Variants in CCDC7 observed in about 807,000 individuals in gnomAD.
CCDC7 encodes coiled-coil domain-containing protein 7.
Under a neutral mutation model 196.9 loss-of-function variants are expected in CCDC7, and 183 were observed. The ratio of observed to expected loss-of-function variants is 0.93; its 90% CI spans 0.82 to 1.05. The LOEUF (loss-of-function observed/expected upper bound fraction) is 1.05, where lower values mean the gene tolerates loss of function less well. CCDC7 is among the 50% of genes least tolerant of loss of function. The pLI is 0.00. For missense variants in CCDC7, 1,540 were observed against 1,482.2 expected, an observed-to-expected ratio of 1.04 and a Z score of -0.64; for synonymous variants, 525 against 484.6, an observed-to-expected ratio of 1.08 and a Z score of -1.10.
At chr10:32,650,703 A>T (rs548417572) in intron 20 of CCDC7, among the ~76,000 whole-genome samples, 1 of 152,016 alleles carries the variant, frequency 6.6e-6, no homozygotes, top group South Asian at 2.1e-4. Flanking sequence ...CACAAATCTC[A>T]GCTCAACCCT....
chr10:32,577,194 T>G (rs113477865), intron 16 of CCDC7, among the ~76,000 whole-genome samples: 7,994 of 151,892 alleles, frequency 0.053, 707 homozygotes, highest in African/African-American at 0.18. Context: ...AAACCCCATC[T>G]CTACTAAAAA....
intron 8 of CCDC7, among the ~76,000 whole-genome samples, chr10:32,491,591 A>T (rs902457535): frequency 2.0e-5 from 3 of 152,144 alleles, no homozygotes; most frequent in Non-Finnish European, 4.4e-5. Flanking sequence ...TTGGACATTA[A>T]TCCAGTTTTG....
intron 20 of CCDC7, among the ~76,000 whole-genome samples, chr10:32,643,913 A>C (rs2067295411): frequency 6.7e-6 from 1 of 148,720 alleles, no homozygotes; most frequent in Non-Finnish European, 1.5e-5. Flanking sequence ...TTTTCAATTC[A>C]TTTAATTGAA....
At chr10:32,703,706 G>A (rs900030632) in intron 24 of CCDC7, among the ~76,000 whole-genome samples, 9 of 152,038 alleles carry the variant, frequency 5.9e-5, no homozygotes, top group Admixed American at 1.3e-4. Context: ...TGGAGTCTTT[G>A]TTCATTTCTT....
chr10:32,777,715 T>A (rs1048611259), intron 28 of CCDC7, among the ~76,000 whole-genome samples: 3 of 150,330 alleles, frequency 2.0e-5, no homozygotes, highest in African/African-American at 7.4e-5. Context: ...AAAAAAAAAA[T>A]TAGCCAGGTA....
chr10:32,849,877 T>G (rs1310985115), intron 39 of CCDC7, among the ~76,000 whole-genome samples: 1 of 152,014 alleles, frequency 6.6e-6, no homozygotes, highest in East Asian at 1.9e-4. Flanking sequence ...GACCTCTGCA[T>G]AGGGTATAGA....
rs1173659243 is a variant in CCDC7 at position 32,754,766 on chromosome 10, G to T, written c.2906-24211G>T. Among the ~76,000 whole-genome samples, 7 of 152,124 alleles carry T rather than the reference G, an allele frequency of 4.6e-5. No individual in the cohort carries two copies. In the East Asian group the frequency reaches 1.4e-3, roughly 29 times the overall value. On this transcript the variant is annotated intron_variant, in intron 28 of 41. Transcript: ENST00000639629. ...AAGTTAACGGGTTCCTCTCACTGGGGCTTGTAGGACAGTGGGTACAGCCCA... is the reference window on the plus strand; with the variant it reads ...AAGTTAACGGGTTCCTCTCACTGGGTCTTGTAGGACAGTGGGTACAGCCCA...
At chr10:32,471,458 C>G (rs766162775) in intron 6 of CCDC7, among the ~76,000 whole-genome samples, 24 of 152,126 alleles carry the variant, frequency 1.6e-4, no homozygotes, top group Non-Finnish European at 2.2e-4. Flanking sequence ...AAATCAGTTT[C>G]TTAGTCACAC....
chr10:32,834,848 G>A lies in CCDC7; in HGVS notation c.3302G>A (p.Gly1101Glu), dbSNP rs143370393. Residue 1101 changes from glycine to glutamate, a missense_variant, in exon 33 of 42, where the codon GGA (glycine) becomes GAA (glutamate). By Grantham distance (98) the Gly-to-Glu change is moderately conservative (BLOSUM62 -2). Transcript: ENST00000639629. ...TTAAAACACTTGAAAGGTGTTAATG[G>A]AAAAGATATAATAAAGCATCTAATC... The A allele has an allele frequency of 5.2e-4, 759 of 1,470,764 alleles. 2 individuals are homozygous for A. The highest frequency in any genetic ancestry group is 1.9e-3 in the Middle Eastern group (11 of 5,692). The allele number at this position is 1,470,764 out of a possible 1,614,324, so 91.1% of individuals were successfully genotyped here.
At chr10:32,456,312 A>T in exon 3 of CCDC7, 1 of 1,573,262 alleles carries the variant, frequency 6.4e-7, no homozygotes, top group Non-Finnish European at 8.7e-7. Flanking sequence ...CAGCTAGAAG[A>T]AGCACTTAAA....
At chr10:32,767,052 C>T (rs545155105) in intron 28 of CCDC7, among the ~76,000 whole-genome samples, 23 of 152,158 alleles carry the variant, frequency 1.5e-4, no homozygotes, top group African/African-American at 5.5e-4. Flanking sequence ...TTTTCAACAA[C>T]CAGATCTTGC....
At chr10:32,546,555 A>G (rs112491019) in intron 13 of CCDC7, among the ~76,000 whole-genome samples, 6 of 152,334 alleles carry the variant, frequency 3.9e-5, no homozygotes, top group African/African-American at 1.2e-4. Context: ...GCGTACAAGT[A>G]TGTATACACC....
intron 29 of CCDC7, among the ~76,000 whole-genome samples, chr10:32,787,618 G>A (rs4749754): frequency 0.92 from 140,197 of 152,180 alleles, 65,625 homozygotes; most frequent in East Asian, 1. Flanking sequence ...AGCCCACTGG[G>A]GTAAAATCCA....
chr10:32,854,654 A>G (rs1490266415), intron 41 of CCDC7, among the ~76,000 whole-genome samples, 165 bp downstream of exon 42: 1 of 152,202 alleles, frequency 6.6e-6, no homozygotes, highest in South Asian at 2.1e-4. Flanking sequence ...AAAAATATAT[A>G]TGTAAACAGT....
chr10:32,868,148 T>C (rs187211875), intron 41 of CCDC7, among the ~76,000 whole-genome samples: 53 of 152,114 alleles, frequency 3.5e-4, no homozygotes, highest in African/African-American at 1.1e-3. Context: ...ATACCACATT[T>C]TGCTTAATTA....
chr10:32,801,972 T>A (rs1038675054), intron 29 of CCDC7, among the ~76,000 whole-genome samples: 2 of 152,180 alleles, frequency 1.3e-5, no homozygotes, highest in African/African-American at 4.8e-5. Context: ...ATGGTCCCAT[T>A]CTTTTCCAAT....
intron 15 of CCDC7, among the ~76,000 whole-genome samples, chr10:32,568,588 T>A (rs771576576): frequency 7.9e-5 from 12 of 152,182 alleles, no homozygotes; most frequent in African/African-American, 1.2e-4. Flanking sequence ...GTACACCGAA[T>A]TGAATATAAA....
chr10:32,790,591 C>G (rs1471854356), intron 29 of CCDC7, among the ~76,000 whole-genome samples: 1 of 152,172 alleles, frequency 6.6e-6, no homozygotes, highest in Non-Finnish European at 1.5e-5. Flanking sequence ...CTCTCAATGC[C>G]CAAGTTGCCA....
chr10:32,595,060 T>C (rs936181692), intron 18 of CCDC7, among the ~76,000 whole-genome samples: 4 of 152,242 alleles, frequency 2.6e-5, no homozygotes, highest in Admixed American at 1.3e-4. Flanking sequence ...GATGTTGGCC[T>C]CATAAAATGA....
Sources: allele counts gnomAD v4.1 joint callset (sites outside exome capture counted in the v4.1 genomes callset), GRCh38; gene constraint gnomAD v4.1.1; transcripts MANE v1.5; gene names NCBI Gene and HGNC (gene_info 2026-07-23, HGNC 2026-07-21).